The following TNRC6A variants were observed in gnomAD, a reference collection of about 807,000 sequenced individuals.
The protein encoded by TNRC6A is trinucleotide repeat containing adaptor 6A, also known as trinucleotide repeat-containing gene 6A protein.
In TNRC6A, 44 loss-of-function variants were observed where a neutral mutation model predicts 221.2. The ratio of observed to expected loss-of-function variants is 0.20; its 90% CI spans 0.16 to 0.26. TNRC6A has a LOEUF of 0.26. TNRC6A is among the 10% of genes least tolerant of loss of function. The pLI is 1.00. For missense variants in TNRC6A, 2,199 were observed against 2,404.4 expected, an observed-to-expected ratio of 0.91 and a Z score of 1.79; for synonymous variants, 847 against 838.5, an observed-to-expected ratio of 1.01 and a Z score of -0.18.
At chr16:24,756,250 G>A (rs1003228280) in intron 3 of TNRC6A, among the ~76,000 whole-genome samples, 2 of 152,176 alleles carry the variant, frequency 1.3e-5, no homozygotes, top group Non-Finnish European at 2.9e-5. Flanking sequence ...TTCAGTCAGT[G>A]GTCGGTAGCC....
In TNRC6A at chr16:24,809,210, C is replaced by CGTATA. The variant is rs575484730; in HGVS notation, c.4541-139_4541-135dup. On this transcript the variant is annotated intron_variant, in intron 17 of 24. Transcript: ENST00000395799. ...AAATTTTATGGAGAAATATTTTCTA[C>CGTATA]GTATAACTAAATTATAGTATTAACA... 148 of 746,372 alleles carry CGTATA rather than the reference C, an allele frequency of 2.0e-4. 1 individual carries two copies. In the African/African-American group the frequency reaches 2.5e-3, roughly 13 times the overall value. 46.2% of individuals were successfully genotyped at this position (746,372 alleles called of 1,614,324 possible). A position where few individuals can be genotyped will look rare whatever the true frequency, so the allele number is the denominator to read the frequency against.
At position 24,823,755 on chromosome 16, in the gene TNRC6A, T is replaced by A. The variant is rs771669472; in HGVS notation, c.5837T>A (p.Ile1946Asn). The change falls in exon 25 of 25, where the codon ATT becomes AAT. Residue 1946 changes from isoleucine to asparagine, a missense_variant. Ile to Asn is a moderately radical substitution (Grantham distance 149, BLOSUM62 -3). Coordinates refer to ENST00000395799, the MANE Select transcript of TNRC6A (RefSeq NM_014494.4). This position sits in a 1 kb window ranked among gnomAD's most constrained non-coding sequence, Gnocchi z 4.3. ...DPRGISSPSP[I>N]NAFLSVDHLG... Reference sequence around the variant, plus strand: ...CGAGGAATTAGCAGCCCATCTCCCATTAACGCTTTTCTTTCTGTTGACCAC... The same window carrying A: ...CGAGGAATTAGCAGCCCATCTCCCAATAACGCTTTTCTTTCTGTTGACCAC... 1 of 1,497,002 alleles carries A rather than the reference T, an allele frequency of 6.7e-7. No homozygotes were observed. Among genetic ancestry groups the A allele is most frequent in the East Asian group, 2.4e-5 (1 of 41,030 alleles). 92.7% of individuals were successfully genotyped at this position (1,497,002 alleles called of 1,614,324 possible). A position where few individuals can be genotyped will look rare whatever the true frequency, so the allele number is the denominator to read the frequency against.
chr16:24,766,919 C>T (rs10852272), intron 4 of TNRC6A, among the ~76,000 whole-genome samples: 49,549 of 151,916 alleles, frequency 0.33, 8,445 homozygotes, highest in East Asian at 0.47. Flanking sequence ...TCAAGTGATC[C>T]ACCTGCCTCG....
At chr16:24,612,935 A>G (rs1288206642) in intron 1 of TNRC6A, among the ~76,000 whole-genome samples, 1 of 151,990 alleles carries the variant, frequency 6.6e-6, no homozygotes, top group Non-Finnish European at 1.5e-5. Context: ...GAAGGAAGGT[A>G]ATAAGATATG....
At chr16:24,730,741 G>C (rs925470480) in intron 2 of TNRC6A, among the ~76,000 whole-genome samples, 2,702 of 38,540 alleles carry the variant, frequency 0.07, 5 homozygotes, top group Non-Finnish European at 0.076. Context: ...ATTCCCCCCC[G>C]CCCCCCCCCC....
intron 2 of TNRC6A, among the ~76,000 whole-genome samples, chr16:24,648,580 A>G (rs1234214746): frequency 6.6e-6 from 1 of 152,060 alleles, no homozygotes; most frequent in African/African-American, 2.4e-5. Context: ...CACAGCAACC[A>G]TTTTACAGTC....
At chr16:24,732,034 C>T (rs539102390) in intron 2 of TNRC6A, among the ~76,000 whole-genome samples, 1 of 152,206 alleles carries the variant, frequency 6.6e-6, no homozygotes, top group South Asian at 2.1e-4. Flanking sequence ...AGGTAGATGA[C>T]GTAGGAATCA....
chr16:24,703,081 A>G (rs1303751256), intron 2 of TNRC6A, among the ~76,000 whole-genome samples: 1 of 143,796 alleles, frequency 7.0e-6, no homozygotes, highest in Admixed American at 7.1e-5. Flanking sequence ...AAAATAAAGC[A>G]TCCAATTCAA....
chr16:24,689,121 A>G (rs1363181620), intron 2 of TNRC6A, among the ~76,000 whole-genome samples: 2 of 152,334 alleles, frequency 1.3e-5, no homozygotes, highest in Admixed American at 1.3e-4. Flanking sequence ...GAACATCCTA[A>G]CTATGCTAAC....
chr16:24,813,163 C>T (rs2058584314), intron 18 of TNRC6A, among the ~76,000 whole-genome samples: 2 of 152,110 alleles, frequency 1.3e-5, no homozygotes, highest in Admixed American at 1.3e-4. Context: ...AGGCGTGAGC[C>T]ACCATGCCTT....
intron 2 of TNRC6A, among the ~76,000 whole-genome samples, chr16:24,680,900 C>T (rs1012588827): frequency 1.3e-5 from 2 of 151,558 alleles, no homozygotes; most frequent in East Asian, 2.0e-4. Flanking sequence ...GCTGAGACTA[C>T]AGGCGTGCAC....
At chr16:24,736,003 A>G (rs2056758824) in intron 2 of TNRC6A, among the ~76,000 whole-genome samples, 1 of 152,142 alleles carries the variant, frequency 6.6e-6, no homozygotes, top group Non-Finnish European at 1.5e-5. Context: ...CATCTTTACT[A>G]AAAATACCAA....
chr16:24,765,899 A>T (rs556145893), intron 4 of TNRC6A, among the ~76,000 whole-genome samples: 1 of 152,330 alleles, frequency 6.6e-6, no homozygotes, highest in East Asian at 1.9e-4. Context: ...GGCTATGAAG[A>T]ATGCTAAGGA....
At chr16:24,671,979 T>G (rs1439440920) in intron 2 of TNRC6A, among the ~76,000 whole-genome samples, 1 of 152,096 alleles carries the variant, frequency 6.6e-6, no homozygotes, top group Non-Finnish European at 1.5e-5. Flanking sequence ...ATTAAAACAG[T>G]CATAAAAAGA....
intron 1 of TNRC6A, among the ~76,000 whole-genome samples, chr16:24,616,722 CAGG>C (rs1409589464): frequency 4.6e-5 from 7 of 152,096 alleles, no homozygotes; most frequent in African/African-American, 7.2e-5. Flanking sequence ...CACCTGAGGT[CAGG>C]AGTTCGAGAC....
At position 24,790,471 on chromosome 16, in the gene TNRC6A, C is replaced by G. The variant is rs757299851; in HGVS notation, c.1829C>G (p.Thr610Ser). ...GWGTPAQNTGTNLPSVEWNKL... is the reference protein window; with the variant it reads ...GWGTPAQNTGSNLPSVEWNKL... ...GGAACCCCTGCACAAAACACTGGCA[C>G]TAATTTACCCAGCGTTGAGTGGAAC... Residue 610 changes from threonine to serine, a missense_variant, in exon 6 of 25, where the codon ACT (threonine) becomes AGT (serine). By Grantham distance (58) the Thr-to-Ser change is moderately conservative. This residue lies in a region of TNRC6A where 1,405 missense variants were observed against 1,400.2 expected (regional missense o/e 1.00). Coordinates refer to ENST00000395799, the MANE Select transcript of TNRC6A (RefSeq NM_014494.4). 4.2e-5 allele frequency: 67 copies of G among 1,614,222 alleles called. No individual in the cohort carries two copies. Among genetic ancestry groups the G allele is most frequent in the Middle Eastern group, 3.3e-4 (2 of 6,062 alleles).
At chr16:24,764,271 G>A (rs576601860) in intron 4 of TNRC6A, among the ~76,000 whole-genome samples, 1 of 150,482 alleles carries the variant, frequency 6.6e-6, no homozygotes, top group South Asian at 2.1e-4. Flanking sequence ...AGGCTCTCCT[G>A]TTTAAAAGCT....
intron 2 of TNRC6A, among the ~76,000 whole-genome samples, chr16:24,660,883 A>T (rs1267602065): frequency 6.6e-6 from 1 of 151,186 alleles, no homozygotes; most frequent in Non-Finnish European, 1.5e-5. Flanking sequence ...CTGGGACTAC[A>T]GGTGCCCGCC....
At chr16:24,698,107 C>T (rs767439951) in intron 2 of TNRC6A, among the ~76,000 whole-genome samples, 3 of 151,362 alleles carry the variant, frequency 2.0e-5, no homozygotes, top group Admixed American at 6.6e-5. Context: ...GCAGGAGGAC[C>T]GCTTGAGCCC....
Sources: allele counts gnomAD v4.1 joint callset (sites outside exome capture counted in the v4.1 genomes callset), GRCh38; gene constraint gnomAD v4.1.1; regional missense constraint gnomAD v4.1.1; non-coding constraint Gnocchi (gnomAD v3.1); transcripts MANE v1.5; gene names NCBI Gene and HGNC (gene_info 2026-07-23, HGNC 2026-07-21).